PCDH9: variants seen among roughly 807,000 people sequenced by gnomAD.
PCDH9 encodes the protein protocadherin-9.
PCDH9 carries 24 observed loss-of-function variants against 70.6 expected under a neutral mutation model. The observed-to-expected ratio is 0.34, with a 90% CI of 0.25 to 0.48. The LOEUF is 0.48. PCDH9 is among the 20% of genes least tolerant of loss of function. The pLI, the probability that PCDH9 is intolerant of heterozygous loss-of-function variation, is 0.99. For synonymous variants in PCDH9, 562 were observed against 558.5 expected, an observed-to-expected ratio of 1.01 and a Z score of -0.09; for missense variants, 1,281 against 1,503.6, an observed-to-expected ratio of 0.85 and a Z score of 2.45.
chr13:67,211,538 G>A (rs1393778509), intron 2 of PCDH9: 4 of 152,002 alleles, frequency 2.6e-5, no homozygotes, highest in Non-Finnish European at 5.9e-5. Flanking sequence ...TTATCCATAT[G>A]TAAGTTAGTG....
At chr13:66,767,478 A>T (rs2079736463) in intron 3 of PCDH9, among the ~76,000 whole-genome samples, 1 of 151,888 alleles carries the variant, frequency 6.6e-6, no homozygotes, top group South Asian at 2.1e-4. Context: ...GTAACTGGGG[A>T]CTCTGGTTTA....
At chr13:66,718,751 A>C (rs142743521) in intron 3 of PCDH9, among the ~76,000 whole-genome samples, 4 of 152,378 alleles carry the variant, frequency 2.6e-5, no homozygotes, top group African/African-American at 9.6e-5. Context: ...CCCCAAAATA[A>C]ACACCAGGGT....
At chr13:67,189,915 T>C (rs2088864030) in intron 2 of PCDH9, among the ~76,000 whole-genome samples, 1 of 151,940 alleles carries the variant, frequency 6.6e-6, no homozygotes, top group Admixed American at 6.6e-5. Flanking sequence ...TAAATACAAG[T>C]AGTGAATGCA....
At chr13:66,829,419 A>T (rs1758757095) in intron 3 of PCDH9, among the ~76,000 whole-genome samples, 1 of 152,124 alleles carries the variant, frequency 6.6e-6, no homozygotes, top group South Asian at 2.1e-4. Flanking sequence ...GGGGACAAAA[A>T]ACTAGTGTTT....
chr13:66,768,272 T>C (rs1020756069), intron 3 of PCDH9, among the ~76,000 whole-genome samples: 1 of 152,106 alleles, frequency 6.6e-6, no homozygotes, highest in Admixed American at 6.6e-5. Flanking sequence ...AGAATTGAAC[T>C]AAATTTATAA....
At chr13:66,796,678 T>C (rs1157360400) in intron 3 of PCDH9, among the ~76,000 whole-genome samples, 1 of 152,144 alleles carries the variant, frequency 6.6e-6, no homozygotes, top group Non-Finnish European at 1.5e-5. Flanking sequence ...AACAAGTATC[T>C]GTTGAGCTTC....
At chr13:66,470,017 A>G (rs1347076093) in intron 4 of PCDH9, among the ~76,000 whole-genome samples, 1 of 152,132 alleles carries the variant, frequency 6.6e-6, no homozygotes, top group East Asian at 1.9e-4. Context: ...TCTCTGGTGA[A>G]TTCTTGAACT....
intron 3 of PCDH9, among the ~76,000 whole-genome samples, chr13:66,878,388 G>A (rs934745722): frequency 7.2e-5 from 11 of 151,864 alleles, no homozygotes; most frequent in Admixed American, 4.6e-4. Flanking sequence ...CACCACGCCC[G>A]GCTAATTATC....
chr13:67,087,984 C>A (rs1333347816), intron 2 of PCDH9, among the ~76,000 whole-genome samples: 1 of 152,024 alleles, frequency 6.6e-6, no homozygotes, highest in Non-Finnish European at 1.5e-5. Flanking sequence ...TGTCAAAATT[C>A]TCTCTTGATA....
chr13:66,659,146 A>G (rs2077972100), intron 3 of PCDH9, among the ~76,000 whole-genome samples: 1 of 152,226 alleles, frequency 6.6e-6, no homozygotes, highest in Non-Finnish European at 1.5e-5. Flanking sequence ...AGAAATGATA[A>G]TAATAACAAA....
At chr13:66,808,406 A>C (rs1292728254) in intron 3 of PCDH9, among the ~76,000 whole-genome samples, 1 of 152,214 alleles carries the variant, frequency 6.6e-6, no homozygotes, top group African/African-American at 2.4e-5. Context: ...ACTATTTATA[A>C]CAAATACAAG....
In PCDH9 at chr13:67,228,397, C is replaced by T. The variant is rs1475127289; in HGVS notation, c.44G>A (p.Cys15Tyr). The T allele has an allele frequency of 6.2e-7, 1 of 1,606,700 alleles. No individual in the cohort carries two copies. The change falls in exon 2 of 5, where the codon TGT (cysteine) becomes TAT (tyrosine). Residue 15 changes from cysteine to tyrosine, a missense_variant. Physicochemically the swap from Cys to Tyr is radical, Grantham distance 194 (BLOSUM62 -2). Transcript: ENST00000377865. ...DFYLLAALIA[C>Y]LRLDSAIAQE... is the part of the protein sequence containing the mutation. ...AGCTATTGCGGAATCCAGCCTTAAA[C>T]AGGCAATCAGAGCAGCCAACAGGTA...
chr13:66,744,163 A>C (rs182970107), intron 3 of PCDH9, among the ~76,000 whole-genome samples: 3 of 152,292 alleles, frequency 2.0e-5, no homozygotes, highest in Non-Finnish European at 4.4e-5. Context: ...ACACTTCCAA[A>C]ACTATAAACC....
At chr13:66,708,676 A>G (rs79688452) in intron 3 of PCDH9, among the ~76,000 whole-genome samples, 2,579 of 152,270 alleles carry the variant, frequency 0.017, 81 homozygotes, top group African/African-American at 0.059. Flanking sequence ...TGGAAGATAC[A>G]TGGCTTCCTC....
chr13:66,464,428 T>C (rs1482699684), intron 4 of PCDH9, among the ~76,000 whole-genome samples: 1 of 151,922 alleles, frequency 6.6e-6, no homozygotes, highest in East Asian at 1.9e-4. Flanking sequence ...CCTGAAAAGC[T>C]TCCACAATTC....
intron 4 of PCDH9, among the ~76,000 whole-genome samples, chr13:66,306,024 T>G (rs2138052723): frequency 6.6e-6 from 1 of 152,122 alleles, no homozygotes; most frequent in South Asian, 2.1e-4. Context: ...CCCCCTTGAT[T>G]AAACAGCCAC....
intron 2 of PCDH9, among the ~76,000 whole-genome samples, chr13:67,130,198 G>A (rs1233908307): frequency 1.1e-4 from 16 of 152,130 alleles, no homozygotes; most frequent in Non-Finnish European, 2.2e-4. Flanking sequence ...AGAAACAGGA[G>A]ATAGATGCAG....
chr13:67,011,341 C>G (rs2084448554), intron 2 of PCDH9, among the ~76,000 whole-genome samples: 1 of 151,810 alleles, frequency 6.6e-6, no homozygotes, highest in African/African-American at 2.4e-5. Flanking sequence ...ACAAATTTAT[C>G]ATTTATTAAA....
intron 3 of PCDH9, among the ~76,000 whole-genome samples, chr13:66,837,697 G>A (rs1258848607): frequency 1.3e-5 from 2 of 152,106 alleles, no homozygotes; most frequent in Non-Finnish European, 2.9e-5. Flanking sequence ...CTAAGAAAAA[G>A]TGCAAAATAT....
Sources: allele counts gnomAD v4.1 joint callset (sites outside exome capture counted in the v4.1 genomes callset), GRCh38; gene constraint gnomAD v4.1.1; transcripts MANE v1.5; gene names NCBI Gene and HGNC (gene_info 2026-07-23, HGNC 2026-07-21).